The following GPHN variants were observed in gnomAD, a reference collection of about 807,000 sequenced individuals.
GPHN encodes the protein gephyrin.
Under a neutral mutation model 95.5 loss-of-function variants are expected in GPHN, and 17 were observed. The ratio of observed to expected loss-of-function variants is 0.18; its 90% CI spans 0.12 to 0.27. The LOEUF (loss-of-function observed/expected upper bound fraction) is 0.27. GPHN is among the 10% of genes least tolerant of loss of function. GPHN has a pLI of 1.00. For missense variants in GPHN, 660 were observed against 978.1 expected, an observed-to-expected ratio of 0.67 and a Z score of 4.34; for synonymous variants, 320 against 322.5, an observed-to-expected ratio of 0.99 and a Z score of 0.08.
At chr14:66,622,999 G>A (rs1167965355) in intron 1 of GPHN, among the ~76,000 whole-genome samples, 2 of 152,056 alleles carry the variant, frequency 1.3e-5, no homozygotes, top group African/African-American at 4.8e-5. Context: ...CCAATTTACT[G>A]TATTAATCCA....
chr14:67,412,188 G>C, the GPHN span: 4 of 675,786 alleles, frequency 5.9e-6, no homozygotes, highest in South Asian at 1.1e-4. Context: ...GCAGGGCGAC[G>C]CCTCCCTGGC....
the GPHN span, among the ~76,000 whole-genome samples, chr14:67,192,533 G>A: frequency 6.6e-6 from 1 of 151,792 alleles, no homozygotes; most frequent in African/African-American, 2.4e-5. Context: ...CGCACACCGA[G>A]AAGGCAAAGC....
At chr14:66,669,907 A>C (rs1301596393) in intron 1 of GPHN, among the ~76,000 whole-genome samples, 1 of 152,318 alleles carries the variant, frequency 6.6e-6, no homozygotes, top group African/African-American at 2.4e-5. Flanking sequence ...AAATTTTTTC[A>C]GGCAACTCTA....
the GPHN span, among the ~76,000 whole-genome samples, chr14:67,723,346 G>T: frequency 2.6e-5 from 4 of 152,166 alleles, no homozygotes; most frequent in African/African-American, 9.7e-5. Context: ...CAACCCTCCT[G>T]CCTCAGCCTC....
the GPHN span, among the ~76,000 whole-genome samples, chr14:67,436,287 A>C: frequency 6.6e-6 from 1 of 152,200 alleles, no homozygotes; most frequent in Non-Finnish European, 1.5e-5. Flanking sequence ...AGTTCACTCT[A>C]TACCATGGAG....
At chr14:66,960,249 G>T (rs2068801240) in intron 8 of GPHN, among the ~76,000 whole-genome samples, 1 of 150,022 alleles carries the variant, frequency 6.7e-6, no homozygotes, top group Non-Finnish European at 1.5e-5. Context: ...AGCTTTCTCA[G>T]AGACAGTTTC....
intron 2 of GPHN, among the ~76,000 whole-genome samples, chr14:66,692,595 T>C (rs1010559817): frequency 6.6e-6 from 1 of 152,162 alleles, no homozygotes; most frequent in Admixed American, 6.5e-5. Flanking sequence ...AACACAGATG[T>C]CTACCTTTTT....
At chr14:67,267,595 G>A in the GPHN span, among the ~76,000 whole-genome samples, 5 of 152,192 alleles carry the variant, frequency 3.3e-5, no homozygotes, top group Admixed American at 2.0e-4. Flanking sequence ...TTTTCAAAAC[G>A]GGTTTATTGA....
chr14:67,166,930 A>G (rs1268736415), intron 20 of GPHN, among the ~76,000 whole-genome samples: 1 of 152,130 alleles, frequency 6.6e-6, no homozygotes, highest in Non-Finnish European at 1.5e-5. Context: ...CAGCGTCCCA[A>G]AGTTTTGGGA....
At chr14:66,777,940 TC>T (rs2059444555) in intron 3 of GPHN, among the ~76,000 whole-genome samples, 1 of 151,936 alleles carries the variant, frequency 6.6e-6, no homozygotes, top group African/African-American at 2.4e-5. Flanking sequence ...CTCTCACCAC[TC>T]CTATTCAACA....
chr14:66,789,598 A>ATT (rs1400046775), intron 3 of GPHN, among the ~76,000 whole-genome samples: 3 of 152,228 alleles, frequency 2.0e-5, no homozygotes, highest in African/African-American at 7.2e-5. Context: ...GGAAGGCAAA[A>ATT]ACAGGTCCCC....
At chr14:67,215,354 C>T in the GPHN span, among the ~76,000 whole-genome samples, 12 of 151,220 alleles carry the variant, frequency 7.9e-5, no homozygotes, top group African/African-American at 1.2e-4. Context: ...CTACTTTTAC[C>T]GAGGGCACAG....
chr14:66,642,361 T>C (rs2064463912), intron 1 of GPHN, among the ~76,000 whole-genome samples: 1 of 152,078 alleles, frequency 6.6e-6, no homozygotes, highest in South Asian at 2.1e-4. Context: ...TGTGCACTAT[T>C]ATTGATGAGA....
the GPHN span, among the ~76,000 whole-genome samples, chr14:67,424,163 C>A: frequency 1.3e-5 from 2 of 152,012 alleles, no homozygotes; most frequent in African/African-American, 4.8e-5. Context: ...TCACTTGAAC[C>A]CGGGAGACGG....
the GPHN span, among the ~76,000 whole-genome samples, chr14:67,452,781 C>T: frequency 6.6e-6 from 1 of 152,214 alleles, no homozygotes; most frequent in Non-Finnish European, 1.5e-5. Context: ...ACAGCATCTA[C>T]CTCAGAGACC....
Position 67,174,018 on chromosome 14 carries a change from T to G in GPHN, c.2079+4982T>G, listed in dbSNP as rs111446001. ...CCACTCTGAAGGGGAAAAAAAGAAA[T>G]AACAATGAAAAAGAATGAAGAAGGC... On this transcript the variant is annotated intron_variant, in intron 21 of 22. Transcript: ENST00000478722. Among the ~76,000 whole-genome samples the G allele has an allele frequency of 3.4e-3, 515 of 152,070 alleles. 3 individuals carry two copies. Among genetic ancestry groups the G allele is most frequent in the Non-Finnish European group, 6.1e-3 (413 of 67,964 alleles).
At chr14:67,185,766 G>A (rs1186033662), downstream of GPHN, among the ~76,000 whole-genome samples, 2 of 152,086 alleles carry the variant, frequency 1.3e-5, no homozygotes, top group Non-Finnish European at 2.9e-5. Flanking sequence ...AAAATTATTT[G>A]CTAATCAACA....
chr14:67,372,211 T>A, the GPHN span, among the ~76,000 whole-genome samples: 1 of 152,192 alleles, frequency 6.6e-6, no homozygotes. Flanking sequence ...AAAGAAAAAA[T>A]TATCTTTTTA....
At chr14:66,557,061 G>C (rs1268864668) in intron 1 of GPHN, among the ~76,000 whole-genome samples, 1 of 151,938 alleles carries the variant, frequency 6.6e-6, no homozygotes, top group Non-Finnish European at 1.5e-5. Context: ...AATAAAATTA[G>C]CTGGGCGTGG....
Sources: gnomAD v4.1 joint callset for allele counts (sites outside exome capture counted in the v4.1 genomes callset) on GRCh38, gnomAD v4.1.1 for gene constraint, MANE v1.5 for transcripts, NCBI Gene and HGNC (gene_info 2026-07-23, HGNC 2026-07-21) for gene names.